HBS1L: variants seen among roughly 807,000 people sequenced by gnomAD.
HBS1L encodes the protein HBS1 like translational GTPase, also known as HBS1-like protein.
A neutral mutation model predicts 88.9 loss-of-function variants in HBS1L; 55 were observed. The observed-to-expected ratio is 0.62, with a 90% CI of 0.50 to 0.77. The LOEUF (loss-of-function observed/expected upper bound fraction) is 0.77. Among genes scored for constraint, HBS1L ranks in the 30% least tolerant of loss-of-function variants. The pLI, the probability that HBS1L is intolerant of heterozygous loss-of-function variation, is 0.00. For missense variants in HBS1L, 741 were observed against 829.3 expected (o/e 0.89, Z 1.31); for synonymous variants, 267 against 288.5 (o/e 0.93, Z 0.76).
At chr6:134,980,139 A>G (rs1774785745) in intron 13 of HBS1L, among the ~76,000 whole-genome samples, 1 of 151,984 alleles carries the variant, frequency 6.6e-6, no homozygotes, top group South Asian at 2.1e-4. Flanking sequence ...TAGGCCAACC[A>G]CTGTGGATAG....
chr6:135,010,598 T>G (rs1775748272), intron 4 of HBS1L, among the ~76,000 whole-genome samples: 2 of 152,174 alleles, frequency 1.3e-5, no homozygotes, highest in Non-Finnish European at 2.9e-5. Context: ...ATAAATAGTA[T>G]CACAAAGTAC....
At chr6:134,977,823 A>C (rs1222961126) in intron 15 of HBS1L, among the ~76,000 whole-genome samples, 1 of 152,064 alleles carries the variant, frequency 6.6e-6, no homozygotes, top group Non-Finnish European at 1.5e-5. Context: ...AAAAAGTCTA[A>C]TGGGAAAAAT....
chr6:134,997,355 A>AGGCATG (rs1459644695), intron 6 of HBS1L, 42 bp downstream of exon 6: 1 of 1,610,702 alleles, frequency 6.2e-7, no homozygotes, highest in Admixed American at 1.7e-5. Context: ...GGGCAGGCTA[A>AGGCATG]GGCATGGCTG....
At chr6:134,971,059 G>A (rs754478321) in intron 15 of HBS1L, among the ~76,000 whole-genome samples, 2 of 150,548 alleles carry the variant, frequency 1.3e-5, no homozygotes, top group Non-Finnish European at 2.9e-5. Flanking sequence ...GGCTGTAGAT[G>A]TACAATCTTA....
intron 4 of HBS1L, among the ~76,000 whole-genome samples, chr6:135,012,148 G>A (rs187106565): frequency 6.8e-4 from 104 of 152,116 alleles, no homozygotes; most frequent in Middle Eastern, 3.4e-3. Context: ...CATATGTAAT[G>A]ACAAAAAATT....
intron 17 of HBS1L, among the ~76,000 whole-genome samples, chr6:134,966,123 G>A (rs1312027584): frequency 6.6e-6 from 1 of 151,810 alleles, no homozygotes; most frequent in African/African-American, 2.4e-5. Flanking sequence ...TTTCCTTTAA[G>A]GCATAAAATC....
chr6:135,023,966 ACAC>A lies in HBS1L; in HGVS notation c.430+15604_430+15606del, dbSNP rs1199531363. Among the ~76,000 whole-genome samples, 439 of 152,290 alleles carry A rather than the reference ACAC, an allele frequency of 2.9e-3. 1 individual carries two copies. Among genetic ancestry groups the A allele is most frequent in the African/African-American group, 0.01 (424 of 41,574 alleles). ...TTTTCTCAATGCTCACTTTTTTTTAACACTATTTTTTCAATGAAATAAAATTAA... is the reference window on the plus strand; with the variant it reads ...TTTTCTCAATGCTCACTTTTTTTTAATATTTTTTCAATGAAATAAAATTAA... On this transcript the variant is annotated intron_variant, in intron 4 of 17. Transcript: ENST00000367837.
At chr6:134,994,904 G>A (rs1042235315) in intron 7 of HBS1L, among the ~76,000 whole-genome samples, 2 of 152,000 alleles carry the variant, frequency 1.3e-5, no homozygotes, top group African/African-American at 4.8e-5. Context: ...ATCACCCAAA[G>A]TAAGGAATAA....
intron 5 of HBS1L, among the ~76,000 whole-genome samples, chr6:135,000,402 T>TC (rs909306912): frequency 6.6e-6 from 1 of 151,956 alleles, no homozygotes; most frequent in Non-Finnish European, 1.5e-5. Flanking sequence ...GTCTTTTTTT[T>TC]CTCTAAACTA....
rs983032318 is a variant in HBS1L at position 134,963,366 on chromosome 6, G to C, written c.*1913C>G. ...TGCCCTGGATGGGAGATCTGAGGAT[G>C]TAAGTGTGGAATTATCACATCTTGT... is the stretch of plus-strand genomic sequence containing the variant. On this transcript the variant is annotated 3_prime_UTR_variant, in exon 18 of 18. Coordinates refer to ENST00000367837, the MANE Select transcript of HBS1L (RefSeq NM_006620.4). 5 of 152,226 alleles carry C rather than the reference G, an allele frequency of 3.3e-5. No homozygotes were observed. Among genetic ancestry groups the C allele is most frequent in the African/African-American group, 1.2e-4 (5 of 41,448 alleles). 9.4% of individuals were successfully genotyped at this position (152,226 alleles called of 1,614,324 possible).
At chr6:134,980,178 A>G (rs1774787023) in intron 13 of HBS1L, among the ~76,000 whole-genome samples, 1 of 152,054 alleles carries the variant, frequency 6.6e-6, no homozygotes, top group African/African-American at 2.4e-5. Context: ...ACATGTTCTT[A>G]GTAAATTATA....
chr6:135,008,191 T>C lies in HBS1L; in HGVS notation c.431-5349A>G, dbSNP rs113966752. Among the ~76,000 whole-genome samples, 900 of 152,334 alleles carry C rather than the reference T, an allele frequency of 5.9e-3. 9 individuals are homozygous for C. Among genetic ancestry groups the C allele is most frequent in the African/African-American group, 0.017 (723 of 41,566 alleles). On this transcript the variant is annotated intron_variant, in intron 4 of 17. Transcript: ENST00000367837. ...AAGATACATATTCTGAAAACTCATA[T>C]ATTCATAATTAGTGTTCAGTCTCTA...
At chr6:134,995,842 A>G (rs1279106392) in intron 7 of HBS1L, among the ~76,000 whole-genome samples, 1 of 152,118 alleles carries the variant, frequency 6.6e-6, no homozygotes, top group East Asian at 1.9e-4. Flanking sequence ...ACAAAGAAAG[A>G]GAAACCATTA....
At chr6:134,997,850 A>T (rs1166636001) in intron 5 of HBS1L, among the ~76,000 whole-genome samples, 194 bp from the exon 6 acceptor site, 1 of 152,188 alleles carries the variant, frequency 6.6e-6, no homozygotes, top group Non-Finnish European at 1.5e-5. Flanking sequence ...ACAACCGTGG[A>T]AGATCCCATG....
At chr6:134,981,909 G>A (rs1774842662) in intron 13 of HBS1L, among the ~76,000 whole-genome samples, 1 of 151,924 alleles carries the variant, frequency 6.6e-6, no homozygotes. Context: ...CAGAAACAGT[G>A]ACTGGCAATT....
intron 4 of HBS1L, chr6:135,036,491 T>C: frequency 2.2e-6 from 3 of 1,383,768 alleles, no homozygotes. Context: ...TAATATAAAG[T>C]GATCCTCTGA....
At chr6:135,004,893 CAGAG>C (rs1026034094) in intron 4 of HBS1L, among the ~76,000 whole-genome samples, 10 of 152,110 alleles carry the variant, frequency 6.6e-5, no homozygotes, top group Admixed American at 6.5e-4. Context: ...GGAGAGAGCA[CAGAG>C]AAAGAAGAGA....
chr6:134,968,752 CAAAA>C (rs34140771), intron 16 of HBS1L, among the ~76,000 whole-genome samples: 1 of 89,290 alleles, frequency 1.1e-5, no homozygotes, highest in Admixed American at 1.0e-4. Flanking sequence ...GGACTTTGAG[CAAAA>C]AAAAAAAAAA....
chr6:134,986,635 T>A (rs947941253), intron 10 of HBS1L, 101 bp downstream of exon 10: 13 of 489,286 alleles, frequency 2.7e-5, no homozygotes, highest in African/African-American at 2.2e-4. Context: ...GCAAAGAGAA[T>A]TAAATAAATT....
Sources: gnomAD v4.1 joint callset for allele counts (sites outside exome capture counted in the v4.1 genomes callset) on GRCh38, gnomAD v4.1.1 for gene constraint, MANE v1.5 for transcripts, NCBI Gene and HGNC (gene_info 2026-07-23, HGNC 2026-07-21) for gene names.